Variants in SH3TC1 observed in about 807,000 individuals in gnomAD.
SH3TC1 encodes the protein SH3 domain and tetratricopeptide repeat-containing protein 1.
In SH3TC1, 135 loss-of-function variants were observed where a neutral mutation model predicts 117.3. The ratio of observed to expected loss-of-function variants is 1.15; its 90% CI spans 1.00 to 1.33. The LOEUF is 1.33. Ranked by LOEUF, SH3TC1 falls within the 40% of genes most tolerant of loss-of-function variation. SH3TC1 has a pLI of 0.00. For synonymous variants in SH3TC1, 898 were observed against 816.9 expected, an observed-to-expected ratio of 1.10 and a Z score of -1.69; for missense variants, 2,092 against 1,794.3, an observed-to-expected ratio of 1.17 and a Z score of -3.00.
At chr4:8,237,402 G>T in intron 16 of SH3TC1, 72 bp from the exon 17 acceptor site, 2 of 1,306,626 alleles carry the variant, frequency 1.5e-6, no homozygotes, top group African/African-American at 1.8e-5. Flanking sequence ...GGCGAGCCAG[G>T]TGCTGCCGGG....
Position 8,206,702 on chromosome 4 carries a change from C to T in SH3TC1, c.172+1336C>T, listed in dbSNP as rs1164421203. 2.0e-5 allele frequency among the ~76,000 whole-genome samples: 3 copies of T among 152,216 alleles called. No individual in the cohort carries two copies. The highest frequency in any genetic ancestry group is 7.2e-5 in the African/African-American group (3 of 41,456). ...TGGGGCTCCTCATCAGCTCCTTCAC[C>T]TCCTCGTCTTCTCTGGACAATTTCA... is the stretch of plus-strand genomic sequence containing the variant. On this transcript the variant is annotated intron_variant, in intron 2 of 17. Coordinates refer to ENST00000245105, the MANE Select transcript of SH3TC1 (RefSeq NM_018986.5). This position sits in a 1 kb window ranked among gnomAD's most constrained non-coding sequence, Gnocchi z 5.5.
Position 8,209,224 on chromosome 4 carries a change from A to G in SH3TC1, c.173-524A>G, listed in dbSNP as rs1200634667. 1.3e-5 allele frequency among the ~76,000 whole-genome samples: 2 copies of G among 152,222 alleles called. No individual in the cohort carries two copies. The highest frequency in any genetic ancestry group is 2.4e-5 in the African/African-American group (1 of 41,458). ...AAAGGGGACTTTGCAGATGTGATCA[A>G]AGGCAAGGATCTCGAGATGGAGAGA... On this transcript the variant is annotated intron_variant, in intron 2 of 17. Transcript: ENST00000245105. The surrounding 1 kb of genome is among the most constrained non-coding windows in gnomAD (Gnocchi z 5.9).
rs13150128 is a variant in SH3TC1, at chr4:8,205,388, C to G, written c.172+22C>G. On this transcript the variant is annotated intron_variant, in intron 2 of 17. Transcript: ENST00000245105. This position sits in a 1 kb window ranked among gnomAD's most constrained non-coding sequence, Gnocchi z 5.4. Reference sequence around the variant, plus strand: ...GGCGGTGAGTTCATTCCACCCTCACCACCCGCCCTCCATCCCACCCACTTC... The same window carrying G: ...GGCGGTGAGTTCATTCCACCCTCACGACCCGCCCTCCATCCCACCCACTTC... 2 of 1,531,300 alleles carry G rather than the reference C, an allele frequency of 1.3e-6. No individual in the cohort carries two copies. The highest frequency in any genetic ancestry group is 2.0e-5 in the Admixed American group (1 of 49,668). 94.9% of individuals were successfully genotyped at this position (1,531,300 alleles called of 1,614,324 possible).
intron 15 of SH3TC1, 157 bp from the exon 16 acceptor site, chr4:8,236,121 G>A (rs895631766): frequency 2.1e-6 from 2 of 938,432 alleles, no homozygotes; most frequent in South Asian, 1.9e-5. Context: ...CCCTAGCTTG[G>A]GTGTCTGAAC....
chr4:8,193,370 C>G (rs1717472209), intron 1 of SH3TC1, among the ~76,000 whole-genome samples: 1 of 152,194 alleles, frequency 6.6e-6, no homozygotes, highest in Non-Finnish European at 1.5e-5. Context: ...CCTTGGCTAC[C>G]AGTGTCCATA....
upstream of SH3TC1, among the ~76,000 whole-genome samples, chr4:8,197,656 G>A (rs1015781750): frequency 2.6e-5 from 4 of 152,232 alleles, no homozygotes; most frequent in African/African-American, 4.8e-5. Context: ...GGGCCGGGGA[G>A]CCTGGAGGCT....
chr4:8,185,723 AG>A, intron 1 of SH3TC1, among the ~76,000 whole-genome samples: 1 of 152,200 alleles, frequency 6.6e-6, no homozygotes, highest in Non-Finnish European at 1.5e-5. Flanking sequence ...TCGGACACCC[AG>A]GTTACCTCCA....
intron 1 of SH3TC1, among the ~76,000 whole-genome samples, chr4:8,191,871 G>A (rs1003666290): frequency 3.3e-5 from 5 of 152,140 alleles, no homozygotes; most frequent in African/African-American, 1.2e-4. Flanking sequence ...GGAATCGGAG[G>A]CCGGGAAAGA....
Position 8,221,240 on chromosome 4 carries a change from A to G in SH3TC1, c.1113-1600A>G, listed in dbSNP as rs77982433. Among the ~76,000 whole-genome samples, 567 of 152,308 alleles carry G rather than the reference A, an allele frequency of 3.7e-3. 4 individuals are homozygous for G. The highest frequency in any genetic ancestry group is 0.013 in the African/African-American group (521 of 41,550). The stretch of plus-strand genomic sequence containing the variant: ...GAAGTCAACATGTACTGAACTTACA[A>G]GGGGTCAGAGAAGAGCCAGGGAATG... On this transcript the variant is annotated intron_variant, in intron 9 of 17. Transcript: ENST00000245105.
At chr4:8,204,796 GTTCC>G (rs1718062325) in intron 1 of SH3TC1, 1 of 170,892 alleles carries the variant, frequency 5.9e-6, no homozygotes, top group Non-Finnish European at 1.2e-5. Flanking sequence ...ACGGAGCACT[GTTCC>G]GGGAGCACGG....
intron 2 of SH3TC1, among the ~76,000 whole-genome samples, chr4:8,208,075 C>T (rs1039041360): frequency 2.0e-5 from 3 of 152,222 alleles, no homozygotes; most frequent in Non-Finnish European, 4.4e-5. Flanking sequence ...CCTTAGCACC[C>T]TCCCTCTACC....
At chr4:8,222,690 T>C (rs73224052) in intron 9 of SH3TC1, 150 bp from the exon 10 acceptor site, 2 of 500,956 alleles carry the variant, frequency 4.0e-6, no homozygotes, top group Non-Finnish European at 3.1e-6. Context: ...TTGTTGTTGT[T>C]GTTGTTTTTA....
rs763502207 is a variant in SH3TC1, at chr4:8,209,693, A to G, written c.173-55A>G. ...GACCTGGAGCGTTTGGCGCCTTCAG[A>G]GGAGCCAGGCCTTTGCTTGGTCTCC... is the stretch of plus-strand genomic sequence containing the variant. On this transcript the variant is annotated intron_variant, in intron 2 of 17. Coordinates refer to ENST00000245105, the MANE Select transcript of SH3TC1 (RefSeq NM_018986.5). The surrounding 1 kb of genome is among the most constrained non-coding windows in gnomAD (Gnocchi z 5.9). 1 of 1,609,930 alleles carries G rather than the reference A, an allele frequency of 6.2e-7. No individual in the cohort carries two copies. Among genetic ancestry groups the G allele is most frequent in the Admixed American group, 1.7e-5 (1 of 59,488 alleles).
rs1414311003 is a variant in SH3TC1 at position 8,235,486 on chromosome 4, G to A, written c.3336G>A (p.Leu1112=). The A allele has an allele frequency of 2.5e-6, 4 of 1,605,548 alleles. No homozygotes were observed. The highest frequency in any genetic ancestry group is 2.7e-5 in the African/African-American group (2 of 74,616). The change falls in exon 15 of 18, where the codon CTG becomes CTA. Residue 1112 remains leucine (L), a synonymous_variant. Transcript: ENST00000245105. ...GCGACCCCAACCTGGGGCTGGAGCT[G>A]TTTGAGGCGGCTGGAGACATCTTCT... ...YTGDPNLGLE[L]FEAAGDIFFD... is the part of the protein sequence containing the mutation.
chr4:8,234,364 A>G (rs539004058), intron 14 of SH3TC1, among the ~76,000 whole-genome samples: 2 of 151,916 alleles, frequency 1.3e-5, no homozygotes, highest in South Asian at 4.2e-4. Flanking sequence ...TTATCCATAC[A>G]TTCGTCTATC....
intron 1 of SH3TC1, among the ~76,000 whole-genome samples, chr4:8,187,110 G>A (rs911478595): frequency 5.9e-5 from 9 of 152,210 alleles, no homozygotes; most frequent in Non-Finnish European, 1.2e-4. Context: ...GCCAGGCACA[G>A]TTAATATCCT....
At position 8,186,163 on chromosome 4, in the gene SH3TC1, TGC is replaced by T. The variant is rs1717216669; in HGVS notation, c.-57+3954_-57+3955del. Among the ~76,000 whole-genome samples the T allele has an allele frequency of 6.6e-6, 1 of 152,212 alleles. No homozygotes were observed. The highest frequency in any genetic ancestry group is 1.5e-5 in the Non-Finnish European group (1 of 68,036). ...CAAGCGGGGTTTAATTAACAGCAGC[TGC>T]TGGCGGAGGGGCTGGGGCCAGCCTG... On this transcript the variant is annotated intron_variant, in intron 1 of 16. Coordinates refer to the SH3TC1 transcript ENST00000508641. This position sits in a 1 kb window ranked among gnomAD's most constrained non-coding sequence, Gnocchi z 5.2.
chr4:8,215,215 G>A (rs1561690754), intron 5 of SH3TC1: 2 of 456,288 alleles, frequency 4.4e-6, no homozygotes, highest in Non-Finnish European at 8.8e-6. Context: ...TGCTGACCGG[G>A]AAAGCTGTTA....
intron 15 of SH3TC1, chr4:8,236,037 C>A (rs1385138580): frequency 1.9e-6 from 1 of 531,512 alleles, no homozygotes; most frequent in Non-Finnish European, 3.3e-6. Flanking sequence ...CAGTCAGACC[C>A]CTGGTGCCCA....
Sources: allele counts gnomAD v4.1 joint callset (sites outside exome capture counted in the v4.1 genomes callset), GRCh38; gene constraint gnomAD v4.1.1; non-coding constraint Gnocchi (gnomAD v3.1); transcripts MANE v1.5; gene names NCBI Gene and HGNC (gene_info 2026-07-23, HGNC 2026-07-21).